CNBD1: variants seen among roughly 807,000 people sequenced by gnomAD.
CNBD1 encodes the protein cyclic nucleotide-binding domain-containing protein 1.
CNBD1 carries 71 observed loss-of-function variants against 54.4 expected under a neutral mutation model. That is an observed-to-expected ratio of 1.30 (90% CI 1.08 to 1.59). The LOEUF (loss-of-function observed/expected upper bound fraction) is 1.59. CNBD1 is among the 40% of genes most tolerant of loss of function. The pLI is 0.00. For synonymous variants in CNBD1, 182 were observed against 170.7 expected, an observed-to-expected ratio of 1.07 and a Z score of -0.51; for missense variants, 659 against 518.0, an observed-to-expected ratio of 1.27 and a Z score of -2.64.
chr8:86,984,395 A>C (rs1405495009), intron 4 of CNBD1, among the ~76,000 whole-genome samples: 2 of 152,278 alleles, frequency 1.3e-5, no homozygotes, highest in East Asian at 3.9e-4. Flanking sequence ...CAGAGTCCCT[A>C]CTGGGGCGCA....
chr8:87,198,969 G>A (rs1162497420), intron 4 of CNBD1, among the ~76,000 whole-genome samples: 1 of 152,176 alleles, frequency 6.6e-6, no homozygotes, highest in Non-Finnish European at 1.5e-5. Context: ...AGGTGAAAGG[G>A]CAATAGGCAT....
chr8:87,277,091 TATTC>T (rs2130863457), intron 6 of CNBD1, among the ~76,000 whole-genome samples: 1 of 151,646 alleles, frequency 6.6e-6, no homozygotes, highest in African/African-American at 2.4e-5. Context: ...TATATACACA[TATTC>T]ATATATGTAT....
At chr8:86,956,703 G>C (rs1262696154) in intron 4 of CNBD1, among the ~76,000 whole-genome samples, 1 of 152,120 alleles carries the variant, frequency 6.6e-6, no homozygotes, top group Admixed American at 6.6e-5. Flanking sequence ...TTGCTGAAGT[G>C]ACTTATCAGC....
chr8:87,403,398 G>A (rs1219689785), intron 2 of CNBD1, among the ~76,000 whole-genome samples: 1 of 151,636 alleles, frequency 6.6e-6, no homozygotes, highest in Non-Finnish European at 1.5e-5. Flanking sequence ...ATAGAGAGAA[G>A]AGTTACCTCC....
At chr8:87,357,721 G>C (rs139051382) in intron 10 of CNBD1, among the ~76,000 whole-genome samples, 223 of 152,218 alleles carry the variant, frequency 1.5e-3, no homozygotes, top group African/African-American at 4.9e-3. Flanking sequence ...TTAAGACCAG[G>C]GGACTGTTGG....
At chr8:87,405,084 GA>G (rs1215999491) in intron 2 of CNBD1, among the ~76,000 whole-genome samples, 1 of 151,982 alleles carries the variant, frequency 6.6e-6, no homozygotes, top group Non-Finnish European at 1.5e-5. Flanking sequence ...CATTCATTTG[GA>G]AAGAAAATAA....
intron 2 of CNBD1, among the ~76,000 whole-genome samples, chr8:87,418,231 A>T (rs1807867840): frequency 6.6e-6 from 1 of 151,972 alleles, no homozygotes; most frequent in African/African-American, 2.4e-5. Context: ...CCAGAAATAA[A>T]CCCACACATT....
chr8:87,064,628 A>C (rs1244607045), intron 4 of CNBD1, among the ~76,000 whole-genome samples: 1 of 151,844 alleles, frequency 6.6e-6, no homozygotes, highest in Non-Finnish European at 1.5e-5. Context: ...CTGAAGGAGC[A>C]CCTTTTTAAT....
chr8:87,358,932 C>T lies in CNBD1; in HGVS notation c.1303+5146C>T, dbSNP rs139106871. 4.3e-3 allele frequency among the ~76,000 whole-genome samples: 649 copies of T among 152,192 alleles called. 9 individuals carry two copies. The highest frequency in any genetic ancestry group is 0.014 in the African/African-American group (587 of 41,552). ...TCTGCCTTTTTAATCTATTCAGGCC[C>T]GCAATGGATTAGGTGTTATCTGTTT... On this transcript the variant is annotated intron_variant, in intron 10 of 10. Transcript: ENST00000518476.
At chr8:86,891,903 G>A (rs566282536) in intron 2 of CNBD1, among the ~76,000 whole-genome samples, 3 of 151,942 alleles carry the variant, frequency 2.0e-5, no homozygotes, top group East Asian at 3.9e-4. Context: ...ATTTTTGTAC[G>A]TTGATTTTGT....
chr8:87,193,525 G>A (rs1365529131), intron 4 of CNBD1, among the ~76,000 whole-genome samples: 4 of 152,142 alleles, frequency 2.6e-5, no homozygotes, highest in Non-Finnish European at 5.9e-5. Flanking sequence ...TTTTATGACA[G>A]GACATAGAGA....
intron 4 of CNBD1, among the ~76,000 whole-genome samples, chr8:87,054,557 A>G (rs963324721): frequency 2.6e-5 from 4 of 152,258 alleles, no homozygotes; most frequent in Non-Finnish European, 5.9e-5. Flanking sequence ...ACAGGATTAT[A>G]TGCCCAGGTT....
intron 2 of CNBD1, among the ~76,000 whole-genome samples, chr8:87,388,414 G>T (rs1408610445): frequency 1.3e-5 from 2 of 151,732 alleles, no homozygotes; most frequent in South Asian, 2.1e-4. Context: ...AATGATAAAG[G>T]GGATATCACC....
intron 2 of CNBD1, among the ~76,000 whole-genome samples, chr8:87,425,978 G>T (rs949054562): frequency 6.6e-6 from 1 of 152,208 alleles, no homozygotes. Context: ...GAGACTCAGT[G>T]GGGCAGGACC....
chr8:87,341,900 C>G (rs543853673), intron 8 of CNBD1, among the ~76,000 whole-genome samples: 3 of 151,420 alleles, frequency 2.0e-5, no homozygotes, highest in Non-Finnish European at 2.9e-5. Context: ...CAGTACGAAA[C>G]AGACTAAGAA....
At chr8:87,394,315 G>A (rs1167863954) in intron 2 of CNBD1, among the ~76,000 whole-genome samples, 2 of 151,876 alleles carry the variant, frequency 1.3e-5, no homozygotes, top group Non-Finnish European at 2.9e-5. Context: ...TGAGGGGACT[G>A]GGGAATAAAA....
intron 8 of CNBD1, among the ~76,000 whole-genome samples, chr8:87,307,759 T>TATATAA (rs1405243988): frequency 6.7e-6 from 1 of 148,896 alleles, no homozygotes; most frequent in African/African-American, 2.5e-5. Context: ...TATATATATA[T>TATATAA]ATATATAACT....
chr8:86,896,770 C>T (rs1169792823), intron 2 of CNBD1, among the ~76,000 whole-genome samples: 1 of 152,136 alleles, frequency 6.6e-6, no homozygotes, highest in Non-Finnish European at 1.5e-5. Flanking sequence ...AGTGAGTGTT[C>T]TTGCCAACAG....
chr8:86,973,780 T>C (rs1808277447), intron 4 of CNBD1, among the ~76,000 whole-genome samples: 1 of 152,152 alleles, frequency 6.6e-6, no homozygotes, highest in African/African-American at 2.4e-5. Flanking sequence ...GAGAGCACTA[T>C]TGACTCTTTT....
Sources: allele counts gnomAD v4.1 joint callset (sites outside exome capture counted in the v4.1 genomes callset), GRCh38; gene constraint gnomAD v4.1.1; transcripts MANE v1.5; gene names NCBI Gene and HGNC (gene_info 2026-07-23, HGNC 2026-07-21).